FBLN1: variants seen among roughly 807,000 people sequenced by gnomAD.
The protein encoded by FBLN1 is fibulin-1.
In FBLN1, 34 loss-of-function variants were observed where a neutral mutation model predicts 89.7. The observed-to-expected ratio is 0.38, with a 90% CI of 0.29 to 0.50. The LOEUF (loss-of-function observed/expected upper bound fraction) is 0.50, where lower values mean the gene tolerates loss of function less well. FBLN1 is among the 20% of genes least tolerant of loss of function. The probability of loss-of-function intolerance (pLI) is 0.92; values close to 1 mark genes in which losing one functional copy is unlikely to be tolerated. For synonymous variants in FBLN1, 393 were observed against 391.3 expected (o/e 1.00, Z -0.05); for missense variants, 777 against 988.1 (o/e 0.79, Z 2.86).
In FBLN1 at chr22:45,579,935, T is replaced by C. The variant is rs566013331; in HGVS notation, c.1972+2827T>C. 2.0e-5 allele frequency among the ~76,000 whole-genome samples: 3 copies of C among 152,172 alleles called. No individual in the cohort carries two copies. Among genetic ancestry groups the C allele is most frequent in the Admixed American group, 2.0e-4 (3 of 15,298 alleles). Reference sequence around the variant, plus strand: ...CACCTGGTAATAGATGGTTCCACCGTTGGACTCGAGCCCAGCCTGAAGCAG... The same window carrying C: ...CACCTGGTAATAGATGGTTCCACCGCTGGACTCGAGCCCAGCCTGAAGCAG... On this transcript the variant is annotated intron_variant, in intron 16 of 16. Coordinates refer to ENST00000327858, the MANE Select transcript of FBLN1 (RefSeq NM_006486.3). The surrounding 1 kb of genome is among the most constrained non-coding windows in gnomAD (Gnocchi z 5.5).
At chr22:45,534,897 A>G (rs892372138) in intron 7 of FBLN1, among the ~76,000 whole-genome samples, 6 of 152,206 alleles carry the variant, frequency 3.9e-5, no homozygotes, top group African/African-American at 1.2e-4. Flanking sequence ...CTAAACATAC[A>G]CTTAGCCTGA....
intron 1 of FBLN1, among the ~76,000 whole-genome samples, chr22:45,510,911 T>A (rs2088091020): frequency 6.6e-6 from 1 of 152,184 alleles, no homozygotes. Flanking sequence ...GCCAGCTCCA[T>A]CCATCTGCAC....
Position 45,502,900 on chromosome 22 carries a change from G to T in FBLN1, c.-86G>T, listed in dbSNP as rs1284947655. The T allele has an allele frequency of 4.1e-6, 2 of 482,554 alleles. No individual in the cohort carries two copies. Among genetic ancestry groups the T allele is most frequent in the African/African-American group, 2.1e-5 (1 of 47,594 alleles). The allele number at this position is 482,554 out of a possible 1,614,324, so 29.9% of individuals were successfully genotyped here. On this transcript the variant is annotated 5_prime_UTR_variant, in exon 1 of 17. Transcript: ENST00000327858. ...GGCCCAGCGTTGGCTGCCGAGGCTC[G>T]GCCGGAGCGTGGAGCCCGCGCCGCT...
At position 45,581,448 on chromosome 22, in the gene FBLN1, G is replaced by A. The variant is rs912201750; in HGVS notation, c.1972+4340G>A. On this transcript the variant is annotated intron_variant, in intron 16 of 16. Coordinates refer to ENST00000327858, the MANE Select transcript of FBLN1 (RefSeq NM_006486.3). The surrounding 1 kb of genome is among the most constrained non-coding windows in gnomAD (Gnocchi z 7.6). Reference sequence around the variant, plus strand: ...ATAGGAGGGCCTGGCCTGCAAAAACGCCCTCCCTATTTCTCCAGGGAGGGA... The same window carrying A: ...ATAGGAGGGCCTGGCCTGCAAAAACACCCTCCCTATTTCTCCAGGGAGGGA... 1.3e-5 allele frequency among the ~76,000 whole-genome samples: 2 copies of A among 152,006 alleles called. No individual in the cohort carries two copies. The highest frequency in any genetic ancestry group is 2.4e-5 in the African/African-American group (1 of 41,384).
At chr22:45,542,642 G>A (rs1469786175) in intron 10 of FBLN1, among the ~76,000 whole-genome samples, 1 of 152,230 alleles carries the variant, frequency 6.6e-6, no homozygotes, top group Non-Finnish European at 1.5e-5. Context: ...AGCTAGAGAT[G>A]TGTGCCTTTA....
chr22:45,565,034 G>A, intron 14 of FBLN1: 2 of 1,611,366 alleles, frequency 1.2e-6, no homozygotes, highest in Admixed American at 3.3e-5. Context: ...TCCACACCTT[G>A]CGCTGAGCAG....
At position 45,532,730 on chromosome 22, in the gene FBLN1, C is replaced by G. The variant is rs955809628; in HGVS notation, c.545-333C>G. On this transcript the variant is annotated intron_variant, in intron 5 of 16. Transcript: ENST00000327858. The surrounding 1 kb of genome is among the most constrained non-coding windows in gnomAD (Gnocchi z 4.2). ...GGCCTAGTTGGGGCCTGGCCTTCCACGTGGAGCCCACACCCCCATGTCTGT... is the reference window on the plus strand; with the variant it reads ...GGCCTAGTTGGGGCCTGGCCTTCCAGGTGGAGCCCACACCCCCATGTCTGT... Among the ~76,000 whole-genome samples, 1 of 152,112 alleles carries G rather than the reference C, an allele frequency of 6.6e-6. No individual in the cohort carries two copies. The highest frequency in any genetic ancestry group is 1.5e-5 in the Non-Finnish European group (1 of 68,000).
rs367737493 is a variant in FBLN1, at chr22:45,542,766, C to T, written c.1195+483C>T. Among the ~76,000 whole-genome samples, 38 of 152,364 alleles carry T rather than the reference C, an allele frequency of 2.5e-4. No individual in the cohort carries two copies. In the East Asian group the frequency reaches 5.6e-3, roughly 22 times the overall value. On this transcript the variant is annotated intron_variant, in intron 10 of 16. Coordinates refer to ENST00000327858, the MANE Select transcript of FBLN1 (RefSeq NM_006486.3). ...GGAAGCCTGGCAGCTGCCAACCACT[C>T]CCCCAAAGTGGGCACTTTGCTAGAT...
At chr22:45,526,698 C>T (rs2146961137) in intron 3 of FBLN1, among the ~76,000 whole-genome samples, 1 of 152,318 alleles carries the variant, frequency 6.6e-6, no homozygotes, top group East Asian at 1.9e-4. Flanking sequence ...GTTGGGGGTC[C>T]CGAGTCCCCT....
intron 14 of FBLN1, among the ~76,000 whole-genome samples, chr22:45,573,982 T>TTTC (rs2088972566): frequency 1.3e-5 from 2 of 151,810 alleles, no homozygotes; most frequent in South Asian, 4.2e-4. Flanking sequence ...TGTAGCCTCT[T>TTTC]CTGCCTCCCC....
chr22:45,573,584 G>A (rs1412170283), intron 14 of FBLN1, among the ~76,000 whole-genome samples: 2 of 151,056 alleles, frequency 1.3e-5, no homozygotes, highest in South Asian at 2.1e-4. Flanking sequence ...AGGAGGCTGA[G>A]GCAGGAGAAT....
At chr22:45,519,538 T>C (rs136718) in intron 2 of FBLN1, among the ~76,000 whole-genome samples, 90,805 of 150,468 alleles carry the variant, frequency 0.6, 27,517 homozygotes, top group East Asian at 0.77. Context: ...GCCAGAGAAT[T>C]GCTTGAACCT....
intron 2 of FBLN1, chr22:45,523,011 G>T (rs527587626): frequency 5.9e-4 from 357 of 603,176 alleles, no homozygotes; most frequent in Non-Finnish European, 8.8e-4. Context: ...CCGTCTGATG[G>T]TTTGTAGGAA....
chr22:45,560,702 G>A (rs1027122900), intron 14 of FBLN1, among the ~76,000 whole-genome samples: 11 of 152,144 alleles, frequency 7.2e-5, no homozygotes, highest in African/African-American at 2.2e-4. Context: ...TCTCATGCCC[G>A]TTCTCCAGAT....
At position 45,549,801 on chromosome 22, in the gene FBLN1, TC is replaced by T. The variant is rs2088678173; in HGVS notation, c.1574-689del. On this transcript the variant is annotated intron_variant, in intron 13 of 16. Transcript: ENST00000327858. The surrounding 1 kb of genome is among the most constrained non-coding windows in gnomAD (Gnocchi z 5.7). ...ATGGGAGTTGGGCTGCTCCCCCATCTCCAGGGGCCTCTCAGTGTGGTGCCCC... is the reference window on the plus strand; with the variant it reads ...ATGGGAGTTGGGCTGCTCCCCCATCTCAGGGGCCTCTCAGTGTGGTGCCCC... Among the ~76,000 whole-genome samples the T allele has an allele frequency of 6.6e-6, 1 of 152,124 alleles. No individual in the cohort carries two copies. The highest frequency in any genetic ancestry group is 2.1e-4 in the South Asian group (1 of 4,826).
chr22:45,538,589 C>T (rs555288788), intron 8 of FBLN1, among the ~76,000 whole-genome samples: 1 of 152,296 alleles, frequency 6.6e-6, no homozygotes, highest in African/African-American at 2.4e-5. Context: ...AGCAGAAATA[C>T]GTCTTTCTAA....
At position 45,544,329 on chromosome 22, in the gene FBLN1, C is replaced by T. The variant is rs1057108825; in HGVS notation, c.1321+803C>T. Among the ~76,000 whole-genome samples, 4 of 152,294 alleles carry T rather than the reference C, an allele frequency of 2.6e-5. No individual in the cohort carries two copies. In the East Asian group the frequency reaches 5.8e-4, roughly 22 times the overall value. Reference sequence around the variant, plus strand: ...CTTGAACTCCTGACCTCAGATGATCCGCCCACCTCGGCCTCCCAAAGTGCT... The same window carrying T: ...CTTGAACTCCTGACCTCAGATGATCTGCCCACCTCGGCCTCCCAAAGTGCT... On this transcript the variant is annotated intron_variant, in intron 11 of 16. Coordinates refer to ENST00000327858, the MANE Select transcript of FBLN1 (RefSeq NM_006486.3).
intron 16 of FBLN1, among the ~76,000 whole-genome samples, chr22:45,599,497 G>C (rs1205897521): frequency 1.3e-5 from 2 of 152,242 alleles, no homozygotes; most frequent in East Asian, 3.9e-4. Context: ...AGATGTTCTG[G>C]GGGAGAGGAT....
intron 16 of FBLN1, among the ~76,000 whole-genome samples, chr22:45,592,277 C>T (rs1411921365): frequency 2.0e-5 from 3 of 152,194 alleles, no homozygotes; most frequent in African/African-American, 7.2e-5. Context: ...CCAGCCCATC[C>T]ACACTCTAGT....
Sources: allele counts gnomAD v4.1 joint callset (sites outside exome capture counted in the v4.1 genomes callset), GRCh38; gene constraint gnomAD v4.1.1; non-coding constraint Gnocchi (gnomAD v3.1); transcripts MANE v1.5; gene names NCBI Gene and HGNC (gene_info 2026-07-23, HGNC 2026-07-21).